AP2B1: variants seen among roughly 807,000 people sequenced by gnomAD.
The protein encoded by AP2B1 is adaptor related protein complex 2 subunit beta 1.
Under a neutral mutation model 102.0 loss-of-function variants are expected in AP2B1, and 23 were observed. The observed-to-expected ratio is 0.23, with a 90% CI of 0.16 to 0.32. The LOEUF (loss-of-function observed/expected upper bound fraction) is 0.32, where lower values mean the gene tolerates loss of function less well. AP2B1 is among the 10% of genes least tolerant of loss of function. The pLI, the probability that AP2B1 is intolerant of heterozygous loss-of-function variation, is 1.00. For synonymous variants in AP2B1, 381 were observed against 421.2 expected (o/e 0.90, Z 1.17); for missense variants, 541 against 1,157.4 (o/e 0.47, Z 7.73).
chr17:35,625,227 G>A (rs190344436), intron 6 of AP2B1, among the ~76,000 whole-genome samples: 14 of 152,234 alleles, frequency 9.2e-5, no homozygotes, highest in Admixed American at 6.5e-4. Flanking sequence ...GTATATGCAG[G>A]CACTGTACTA....
intron 5 of AP2B1, among the ~76,000 whole-genome samples, chr17:35,617,033 C>T (rs761984144): frequency 4.6e-5 from 7 of 152,142 alleles, no homozygotes; most frequent in Admixed American, 1.3e-4. Flanking sequence ...ATGGAGTAAG[C>T]CCCTAATAAT....
chr17:35,701,806 A>G (rs1264516412), intron 18 of AP2B1, among the ~76,000 whole-genome samples: 3 of 152,140 alleles, frequency 2.0e-5, no homozygotes, highest in African/African-American at 7.2e-5. Context: ...TGATAGAGAC[A>G]AGGTCTCACT....
At chr17:35,699,890 G>A (rs896359864) in intron 18 of AP2B1, among the ~76,000 whole-genome samples, 1 of 152,072 alleles carries the variant, frequency 6.6e-6, no homozygotes, top group Non-Finnish European at 1.5e-5. Flanking sequence ...AACATAGTAA[G>A]ACTAGTATGT....
chr17:35,703,068 C>A (rs184135057), intron 18 of AP2B1, among the ~76,000 whole-genome samples: 12 of 151,442 alleles, frequency 7.9e-5, no homozygotes, highest in Non-Finnish European at 1.5e-4. Flanking sequence ...GTCAGGAGAT[C>A]GAGACCATCC....
In AP2B1 at chr17:35,621,278, T is replaced by C. The variant is rs573983564; in HGVS notation, c.526-3119T>C. On this transcript the variant is annotated intron_variant, in intron 5 of 21. Coordinates refer to ENST00000610402, the MANE Select transcript of AP2B1 (RefSeq NM_001030006.2). Reference sequence around the variant, plus strand: ...GTCTTTTTCTTTAAGATACTTTAGATTCAGTGCGACTGATTTATTTTAAGT... The same window carrying C: ...GTCTTTTTCTTTAAGATACTTTAGACTCAGTGCGACTGATTTATTTTAAGT... The C allele has an allele frequency of 2.7e-3, 2,614 of 984,700 alleles. 9 individuals are homozygous for C. Among genetic ancestry groups the C allele is most frequent in the Non-Finnish European group, 3.0e-3 (2,481 of 829,284 alleles). The allele number at this position is 984,700 out of a possible 1,614,324, so 61.0% of individuals were successfully genotyped here. A position where few individuals can be genotyped will look rare whatever the true frequency, so the allele number is the denominator to read the frequency against.
chr17:35,651,673 A>G (rs1483268966), intron 13 of AP2B1, among the ~76,000 whole-genome samples: 1 of 151,964 alleles, frequency 6.6e-6, no homozygotes, highest in Non-Finnish European at 1.5e-5. Context: ...CGTGGTCAGC[A>G]TTTTGGGTTC....
intron 14 of AP2B1, among the ~76,000 whole-genome samples, chr17:35,664,954 C>CCTTTTCCCCCCTCAGGTTATGGAGT (rs1410476873): frequency 6.6e-6 from 1 of 151,972 alleles, no homozygotes; most frequent in Non-Finnish European, 1.5e-5. Flanking sequence ...CTGATAGAAG[C>CCTTTTCCCCCCTCAGGTTATGGAGT]CTTTTCCCCC....
At chr17:35,668,173 G>A (rs937274589) in intron 14 of AP2B1, among the ~76,000 whole-genome samples, 7 of 152,022 alleles carry the variant, frequency 4.6e-5, no homozygotes, top group Admixed American at 3.3e-4. Flanking sequence ...CTGACCTCAG[G>A]TGATCAACCG....
intron 9 of AP2B1, among the ~76,000 whole-genome samples, chr17:35,628,815 T>C (rs2074385618): frequency 6.6e-6 from 1 of 152,230 alleles, no homozygotes; most frequent in Non-Finnish European, 1.5e-5. Context: ...TGAAATAATA[T>C]GCCTTTGTTT....
At chr17:35,641,758 A>T in intron 11 of AP2B1, 119 bp from the exon 12 acceptor site, 1 of 621,968 alleles carries the variant, frequency 1.6e-6, no homozygotes, top group Non-Finnish European at 2.6e-6. Context: ...TTTGTCTCTT[A>T]ACCAAAATCA....
intron 5 of AP2B1, among the ~76,000 whole-genome samples, chr17:35,611,460 A>C (rs2073860924): frequency 1.3e-5 from 2 of 151,492 alleles, no homozygotes; most frequent in Non-Finnish European, 3.0e-5. Context: ...TTTAGCAGTA[A>C]AGTCGTGTGT....
At chr17:35,699,357 C>G (rs1286426056) in intron 18 of AP2B1, among the ~76,000 whole-genome samples, 1 of 152,190 alleles carries the variant, frequency 6.6e-6, no homozygotes, top group Non-Finnish European at 1.5e-5. Context: ...GTCAAATTTT[C>G]CCTATAAAGG....
At chr17:35,647,891 G>GTTTTT (rs36102165) in intron 12 of AP2B1, among the ~76,000 whole-genome samples, 3 of 143,136 alleles carry the variant, frequency 2.1e-5, no homozygotes, top group African/African-American at 5.1e-5. Flanking sequence ...TTGGGGGTTT[G>GTTTTT]TTTTTTTTTT....
chr17:35,673,326 AG>A (rs2075630598), intron 16 of AP2B1, among the ~76,000 whole-genome samples: 1 of 152,014 alleles, frequency 6.6e-6, no homozygotes, highest in African/African-American at 2.4e-5. Flanking sequence ...CTGGGACTAC[AG>A]GCGCCCGCCA....
At chr17:35,657,473 C>G in intron 13 of AP2B1, 126 bp from the exon 14 acceptor site, 1 of 619,248 alleles carries the variant, frequency 1.6e-6, no homozygotes, top group Non-Finnish European at 2.6e-6. Flanking sequence ...GTTATAAAAT[C>G]AGAGAGTTTT....
chr17:35,595,584 T>A (rs1166079740), intron 2 of AP2B1, among the ~76,000 whole-genome samples: 1 of 152,100 alleles, frequency 6.6e-6, no homozygotes, highest in Admixed American at 6.6e-5. Flanking sequence ...CCCAGATTAT[T>A]TTAATGTGCA....
intron 18 of AP2B1, among the ~76,000 whole-genome samples, chr17:35,696,073 A>C (rs587714455): frequency 6.6e-6 from 1 of 152,242 alleles, no homozygotes; most frequent in African/African-American, 2.4e-5. Context: ...AAAGGTCTCC[A>C]AGACCTTGGG....
At chr17:35,664,384 G>A (rs981815972) in intron 14 of AP2B1, among the ~76,000 whole-genome samples, 1 of 152,134 alleles carries the variant, frequency 6.6e-6, no homozygotes, top group Admixed American at 6.5e-5. Context: ...CTCCCAAGTA[G>A]CTGGGACTAC....
chr17:35,673,000 A>G (rs1018016680), intron 16 of AP2B1, among the ~76,000 whole-genome samples: 4 of 152,104 alleles, frequency 2.6e-5, no homozygotes, highest in East Asian at 1.9e-4. Context: ...TTTCTCTACC[A>G]TATTCTTTTG....
Sources: allele counts gnomAD v4.1 joint callset (sites outside exome capture counted in the v4.1 genomes callset), GRCh38; gene constraint gnomAD v4.1.1; transcripts MANE v1.5; gene names NCBI Gene and HGNC (gene_info 2026-07-23, HGNC 2026-07-21).